The following RBM47 variants were observed in gnomAD, a reference collection of about 807,000 sequenced individuals.
The protein encoded by RBM47 is RNA binding motif protein 47, also known as RNA-binding protein 47.
A neutral mutation model predicts 47.1 loss-of-function variants in RBM47; 21 were observed. That is an observed-to-expected ratio of 0.45 (90% CI 0.32 to 0.64). The LOEUF is 0.64. RBM47 is among the 30% of genes least tolerant of loss of function. The probability of loss-of-function intolerance (pLI) is 0.05; values close to 1 mark genes in which losing one functional copy is unlikely to be tolerated. For missense variants in RBM47, 708 were observed against 870.9 expected (o/e 0.81, Z 2.35); for synonymous variants, 375 against 361.7 (o/e 1.04, Z -0.42).
rs190932667 is a variant in RBM47 at position 40,549,644 on chromosome 4, T to C, written c.-239-5138A>G. Among the ~76,000 whole-genome samples, 535 of 150,686 alleles carry C rather than the reference T, an allele frequency of 3.6e-3. 10 individuals are homozygous for C. In the East Asian group the frequency reaches 0.061, roughly 17 times the overall value. ...TTCAAGCAATTCTCCTGCCTCAGCC[T>C]CCCAAGTAGCTGGGATTACAGGTGT... On this transcript the variant is annotated intron_variant, in intron 1 of 6. Transcript: ENST00000295971.
intron 2 of RBM47, chr4:40,544,037 C>T (rs539815280): frequency 6.6e-6 from 1 of 151,684 alleles, no homozygotes; most frequent in African/African-American, 2.4e-5. Context: ...TAAGGTGCAC[C>T]GAATTTCAGA....
intron 2 of RBM47, among the ~76,000 whole-genome samples, chr4:40,481,254 C>G (rs145303643): frequency 1.3e-4 from 20 of 150,772 alleles, no homozygotes; most frequent in African/African-American, 4.4e-4. Context: ...AGTCAAAGAC[C>G]TGGATCATAT....
At position 40,432,684 on chromosome 4, in the gene RBM47, G is replaced by T; in HGVS notation, c.1509C>A (p.Val503=). ...GTGGTGGCGTCGACACAGTGGGAATGACAGCGGCTGCGGCGGCTGCGGCCG... is the reference window on the plus strand; with the variant it reads ...GTGGTGGCGTCGACACAGTGGGAATTACAGCGGCTGCGGCGGCTGCGGCCG... ...AAAAAAAAAA[V]IPTVSTPPPF... Residue 503 remains valine (V), a synonymous_variant, in exon 6 of 7, where the codon GTC becomes GTA. Transcript: ENST00000295971. 1 of 1,610,762 alleles carries T rather than the reference G, an allele frequency of 6.2e-7. No individual in the cohort carries two copies. Among genetic ancestry groups the T allele is most frequent in the South Asian group, 1.1e-5 (1 of 90,846 alleles).
At chr4:40,587,062 G>A (rs962892326) in intron 1 of RBM47, among the ~76,000 whole-genome samples, 1 of 152,176 alleles carries the variant, frequency 6.6e-6, no homozygotes, top group African/African-American at 2.4e-5. Context: ...ACACTCAAAT[G>A]TGTGATACAG....
chr4:40,506,253 T>C (rs1392427517), intron 2 of RBM47, among the ~76,000 whole-genome samples: 1 of 152,240 alleles, frequency 6.6e-6, no homozygotes, highest in Non-Finnish European at 1.5e-5. Flanking sequence ...CAATGGCTAA[T>C]TTAAATGTTT....
chr4:40,449,047 T>C (rs984698784), intron 3 of RBM47, among the ~76,000 whole-genome samples: 4 of 152,176 alleles, frequency 2.6e-5, no homozygotes, highest in South Asian at 2.1e-4. Flanking sequence ...AGAATAAACA[T>C]TGGAGAGGAC....
chr4:40,619,080 C>T (rs1427014019), intron 1 of RBM47, among the ~76,000 whole-genome samples: 6 of 152,086 alleles, frequency 3.9e-5, no homozygotes, highest in Non-Finnish European at 5.9e-5. Context: ...GGTAGATACA[C>T]AGAAGACATC....
intron 2 of RBM47, among the ~76,000 whole-genome samples, chr4:40,497,041 C>A (rs375737530): frequency 7.8e-4 from 89 of 114,750 alleles, no homozygotes; most frequent in South Asian, 1.5e-3. Flanking sequence ...AACTCCATCT[C>A]AAAAAAAAAA....
chr4:40,525,708 G>A (rs1490141167), intron 2 of RBM47, among the ~76,000 whole-genome samples: 1 of 152,146 alleles, frequency 6.6e-6, no homozygotes, highest in Non-Finnish European at 1.5e-5. Context: ...TAAGAAGAGG[G>A]GCATTTTAAA....
At chr4:40,589,988 A>G (rs1733978647) in intron 1 of RBM47, among the ~76,000 whole-genome samples, 1 of 152,164 alleles carries the variant, frequency 6.6e-6, no homozygotes, top group Admixed American at 6.5e-5. Context: ...TTAGAAAAAA[A>G]AAACAGCAGC....
rs917322174 is a variant in RBM47 at position 40,620,805 on chromosome 4, A to G, written c.-240+8591T>C. Reference sequence around the variant, plus strand: ...CACCTCAGTCTCCCAAAGTGCTGGGATTACAGGCGTGAGCCACTGCACCCG... The same window carrying G: ...CACCTCAGTCTCCCAAAGTGCTGGGGTTACAGGCGTGAGCCACTGCACCCG... On this transcript the variant is annotated intron_variant, in intron 1 of 6. Coordinates refer to ENST00000295971, the MANE Select transcript of RBM47 (RefSeq NM_001098634.2). Among the ~76,000 whole-genome samples, 8 of 152,244 alleles carry G rather than the reference A, an allele frequency of 5.3e-5. No individual in the cohort carries two copies. The East Asian group carries it at 1.5e-3, about 29-fold the overall frequency.
At chr4:40,427,788 A>G (rs1715268334) in intron 6 of RBM47, among the ~76,000 whole-genome samples, 1 of 152,138 alleles carries the variant, frequency 6.6e-6, no homozygotes, top group Non-Finnish European at 1.5e-5. Context: ...ATTGTGCTCA[A>G]AGGAACTTAG....
intron 2 of RBM47, among the ~76,000 whole-genome samples, chr4:40,470,604 G>T (rs908596287): frequency 6.6e-6 from 1 of 151,992 alleles, no homozygotes; most frequent in South Asian, 2.1e-4. Context: ...TTTATTTTTC[G>T]GAAAAAGATG....
At chr4:40,573,835 G>GAAAGAAAGAAAGAAAGAA (rs1553903569) in intron 1 of RBM47, among the ~76,000 whole-genome samples, 6 of 68,896 alleles carry the variant, frequency 8.7e-5, no homozygotes, top group East Asian at 4.8e-4. Flanking sequence ...AAGAAAGAAA[G>GAAAGAAAGAAAGAAAGAA]AGAAAGAAAG....
intron 2 of RBM47, among the ~76,000 whole-genome samples, chr4:40,492,949 C>T (rs1007311421): frequency 2.0e-5 from 3 of 152,166 alleles, no homozygotes; most frequent in African/African-American, 7.2e-5. Flanking sequence ...CCTCCATCAC[C>T]CTCATTATCT....
intron 1 of RBM47, among the ~76,000 whole-genome samples, chr4:40,607,579 C>T (rs1332506172): frequency 2.0e-5 from 3 of 152,094 alleles, no homozygotes; most frequent in East Asian, 1.9e-4. Flanking sequence ...TGGTGGCACA[C>T]GCCTCTAATT....
chr4:40,582,678 C>G (rs904529064), intron 1 of RBM47, among the ~76,000 whole-genome samples: 1 of 152,224 alleles, frequency 6.6e-6, no homozygotes, highest in African/African-American at 2.4e-5. Flanking sequence ...GCCATACAAA[C>G]TTGTCACGTT....
intron 1 of RBM47, among the ~76,000 whole-genome samples, chr4:40,608,925 C>G (rs541774157): frequency 1.3e-5 from 2 of 152,134 alleles, no homozygotes; most frequent in Admixed American, 1.3e-4. Context: ...TTTGGAAAAA[C>G]GAGATGACAC....
intron 1 of RBM47, among the ~76,000 whole-genome samples, chr4:40,582,420 G>C (rs187435504): frequency 1.1e-3 from 172 of 152,274 alleles, no homozygotes; most frequent in African/African-American, 3.5e-3. Flanking sequence ...TGTAATCCCA[G>C]CTACTTGGGA....
Sources: allele counts gnomAD v4.1 joint callset (sites outside exome capture counted in the v4.1 genomes callset), GRCh38; gene constraint gnomAD v4.1.1; transcripts MANE v1.5; gene names NCBI Gene and HGNC (gene_info 2026-07-23, HGNC 2026-07-21).